The following MRO variants were observed in gnomAD, a reference collection of about 807,000 sequenced individuals.
MRO encodes maestro, also known as protein maestro.
Under a neutral mutation model 31.0 loss-of-function variants are expected in MRO, and 28 were observed. The observed-to-expected ratio is 0.90, with a 90% CI of 0.67 to 1.24. The LOEUF (loss-of-function observed/expected upper bound fraction) is 1.24, where lower values mean the gene tolerates loss of function less well. Among genes scored for constraint, MRO ranks in the 50% most tolerant of loss-of-function variants. MRO has a pLI of 0.00. For missense variants in MRO, 332 were observed against 289.2 expected (o/e 1.15, Z -1.07); for synonymous variants, 108 against 108.4 (o/e 1.00, Z 0.02).
chr18:50,819,889 C>T lies in MRO; in HGVS notation c.-127+8G>A, dbSNP rs1568139205. The T allele has an allele frequency of 4.5e-6, 7 of 1,551,298 alleles. No homozygotes were observed. The highest frequency in any genetic ancestry group is 5.2e-6 in the Non-Finnish European group (6 of 1,146,720). On this transcript the variant is annotated splice_region_variant and intron_variant, in intron 1 of 7. Transcript: ENST00000398439. ...ATATTGTAGGGTGGCACAAGCATGA[C>T]TTGCTACCTTTGCTTCCCCACGCCA...
upstream of MRO, among the ~76,000 whole-genome samples, chr18:50,824,768 T>TA (rs1439587524): frequency 3.0e-5 from 4 of 134,180 alleles, no homozygotes; most frequent in Non-Finnish European, 4.8e-5. Context: ...CACTGTCTTT[T>TA]AAAAAAAAGT....
chr18:50,819,963 C>T lies in MRO; in HGVS notation c.-193G>A. ...TTGCTGTGATTTCCCCTCCTTCTTC[C>T]CTCATGCCAGCCTGGTCGACACTTT... On this transcript the variant is annotated 5_prime_UTR_variant, in exon 1 of 8. Transcript: ENST00000398439. 4 of 1,551,484 alleles carry T rather than the reference C, an allele frequency of 2.6e-6. No individual in the cohort carries two copies. Among genetic ancestry groups the T allele is most frequent in the Non-Finnish European group, 3.5e-6 (4 of 1,146,894 alleles).
At chr18:50,820,474 G>T (rs1011483595), upstream of MRO, among the ~76,000 whole-genome samples, 2 of 152,078 alleles carry the variant, frequency 1.3e-5, no homozygotes, top group Non-Finnish European at 2.9e-5. Context: ...TTATCGTCTC[G>T]CTCTGCATTG....
At chr18:50,816,668 T>C (rs1205296131) in intron 2 of MRO, among the ~76,000 whole-genome samples, 1 of 151,062 alleles carries the variant, frequency 6.6e-6, no homozygotes, top group Non-Finnish European at 1.5e-5. Flanking sequence ...GAGAGAATAT[T>C]TGTACGCTTG....
intron 2 of MRO, among the ~76,000 whole-genome samples, chr18:50,816,456 C>T (rs1254370834): frequency 6.6e-6 from 1 of 151,936 alleles, no homozygotes; most frequent in Non-Finnish European, 1.5e-5. Context: ...TCAGTTTTTC[C>T]ACATTTCTGA....
chr18:50,818,108 A>T (rs1915091554), intron 2 of MRO, among the ~76,000 whole-genome samples: 1 of 151,844 alleles, frequency 6.6e-6, no homozygotes, highest in Admixed American at 6.6e-5. Flanking sequence ...CTGTTGCAAC[A>T]CAGGATCTCA....
rs763992693 is a variant in MRO at position 50,819,634 on chromosome 18, C to A, written c.-58G>T. The A allele has an allele frequency of 2.6e-5, 41 of 1,551,440 alleles. No individual in the cohort carries two copies. The African/African-American group carries it at 4.5e-4, about 17-fold the overall frequency. On this transcript the variant is annotated 5_prime_UTR_variant, in exon 2 of 8. An upstream open reading frame in the 5' UTR gains an earlier in-frame stop. Transcript: ENST00000398439. ...GATGAACCGGAGCCCGTTCCTGACT[C>A]GGGAGGGCTGCTTTCCCGGGTAGTA...
chr18:50,799,774 G>A (rs1913113514), intron 7 of MRO, among the ~76,000 whole-genome samples: 1 of 152,172 alleles, frequency 6.6e-6, no homozygotes, highest in Admixed American at 6.5e-5. Context: ...AGCCGGGTGT[G>A]GTGGTGCACG....
rs1017950155 is a variant in MRO at position 50,798,139 on chromosome 18, A to G, written c.*1198T>C. The G allele has an allele frequency of 1.3e-5, 2 of 152,166 alleles. No individual in the cohort carries two copies. The highest frequency in any genetic ancestry group is 2.9e-5 in the Non-Finnish European group (2 of 68,028). 9.4% of individuals were successfully genotyped at this position (152,166 alleles called of 1,614,324 possible). On this transcript the variant is annotated 3_prime_UTR_variant, in exon 8 of 8. Coordinates refer to ENST00000398439, the MANE Select transcript of MRO (RefSeq NM_031939.6). ...GGGGTGGTACCAGAGTTTCTATAGA[A>G]GCTTGGGATGCAATCTGGTTAGAGG...
chr18:50,806,711 G>C lies in MRO; in HGVS notation c.239C>G (p.Pro80Arg). The C allele has an allele frequency of 6.2e-7, 1 of 1,614,100 alleles. No homozygotes were observed. The highest frequency in any genetic ancestry group is 2.2e-5 in the East Asian group (1 of 44,868). ...RNLGTMAYEA[P>R]DKVRKYKKIV... ...CCCACTCTCCTTCCCTACCTTGTCA[G>C]GGGCTTCATAGGCCATGGTTCCCAA... The change falls in exon 4 of 8, where the codon CCT (proline) becomes CGT (arginine). Residue 80 changes from proline to arginine, a missense_variant. Physicochemically the swap from Pro to Arg is moderately radical, Grantham distance 103. Coordinates refer to ENST00000398439, the MANE Select transcript of MRO (RefSeq NM_031939.6).
chr18:50,810,895 C>T (rs1301038740), intron 2 of MRO, among the ~76,000 whole-genome samples: 8 of 152,152 alleles, frequency 5.3e-5, no homozygotes, highest in African/African-American at 1.4e-4. Context: ...ATGCGCACAA[C>T]GTGCAGGTTT....
chr18:50,824,459 C>CTT (rs202196810), upstream of MRO, among the ~76,000 whole-genome samples: 4 of 131,326 alleles, frequency 3.0e-5, no homozygotes, highest in East Asian at 2.2e-4. Context: ...TTTTTTCTTT[C>CTT]TTTTTTTTTT....
At chr18:50,810,906 G>T (rs1344918228) in intron 2 of MRO, among the ~76,000 whole-genome samples, 2 of 152,122 alleles carry the variant, frequency 1.3e-5, no homozygotes, top group African/African-American at 2.4e-5. Flanking sequence ...GTGCAGGTTT[G>T]TTGCATATGT....
intron 3 of MRO, among the ~76,000 whole-genome samples, 171 bp from the exon 4 acceptor site, chr18:50,807,021 A>G (rs1231154640): frequency 6.6e-6 from 1 of 152,148 alleles, no homozygotes; most frequent in African/African-American, 2.4e-5. Flanking sequence ...TTTGGTCTAC[A>G]TAACGAAGAA....
At chr18:50,809,173 A>C (rs955820480) in intron 3 of MRO, 129 bp downstream of exon 3, 122 of 382,280 alleles carry the variant, frequency 3.2e-4, no homozygotes, top group African/African-American at 2.4e-3. Context: ...AAAAAAAAAA[A>C]CTGTCATCAA....
At chr18:50,815,258 G>A (rs1308730855) in intron 2 of MRO, 2 of 248,696 alleles carry the variant, frequency 8.0e-6, no homozygotes, top group African/African-American at 2.3e-5. Flanking sequence ...GTCATAAAGA[G>A]GTCATGGAAG....
chr18:50,819,524 G>A, intron 2 of MRO, 57 bp downstream of exon 2: 1 of 1,544,712 alleles, frequency 6.5e-7, no homozygotes, highest in Non-Finnish European at 8.7e-7. Flanking sequence ...GGGAACCCAA[G>A]TGCAGCCAGG....
intron 6 of MRO, among the ~76,000 whole-genome samples, chr18:50,800,830 G>A (rs1349309450): frequency 6.8e-6 from 1 of 146,488 alleles, no homozygotes; most frequent in Non-Finnish European, 1.5e-5. Context: ...AAGTTGTAGT[G>A]AGCCGAGATC....
chr18:50,799,205 C>G lies in MRO; in HGVS notation c.*132G>C. The stretch of plus-strand genomic sequence containing the variant: ...TGTATTATTTTTGCCTTTGATTGCT[C>G]TCCCAGCACCCTCTTTCCCATTACA... On this transcript the variant is annotated 3_prime_UTR_variant, in exon 8 of 8. Coordinates refer to ENST00000398439, the MANE Select transcript of MRO (RefSeq NM_031939.6). 3.9e-6 allele frequency: 3 copies of G among 766,120 alleles called. No homozygotes were observed. The South Asian group carries it at 5.0e-5, about 13-fold the overall frequency. 47.5% of individuals were successfully genotyped at this position (766,120 alleles called of 1,614,324 possible). A position where few individuals can be genotyped will look rare whatever the true frequency, so the allele number is the denominator to read the frequency against.
Sources: gnomAD v4.1 joint callset for allele counts (sites outside exome capture counted in the v4.1 genomes callset) on GRCh38, gnomAD v4.1.1 for gene constraint, MANE v1.5 for transcripts, NCBI Gene and HGNC (gene_info 2026-07-23, HGNC 2026-07-21) for gene names.